The following RASAL2 variants were observed in gnomAD, a reference collection of about 807,000 sequenced individuals.
The protein encoded by RASAL2 is ras GTPase-activating protein nGAP.
In RASAL2, 58 loss-of-function variants were observed where a neutral mutation model predicts 128.9. The observed-to-expected ratio is 0.45, with a 90% confidence interval of 0.36 to 0.56. The LOEUF (loss-of-function observed/expected upper bound fraction) is 0.56, where lower values mean the gene tolerates loss of function less well. Among genes scored for constraint, RASAL2 ranks in the 20% least tolerant of loss-of-function variants. The pLI is 0.00. For synonymous variants in RASAL2, 561 were observed against 580.8 expected (o/e 0.97, Z 0.49); for missense variants, 1,360 against 1,601.6 (o/e 0.85, Z 2.57).
chr1:178,454,309 A>T (rs903389595), intron 11 of RASAL2, 138 bp from the exon 12 acceptor site: 49 of 625,126 alleles, frequency 7.8e-5, no homozygotes, highest in Middle Eastern at 4.3e-4. Context: ...TATAACATTT[A>T]TCACTTATAG....
At chr1:178,434,746 A>G (rs1365311416) in intron 5 of RASAL2, among the ~76,000 whole-genome samples, 1 of 151,468 alleles carries the variant, frequency 6.6e-6, no homozygotes, top group Non-Finnish European at 1.5e-5. Context: ...AATGAGCTCT[A>G]ATTTCTTTTT....
Position 178,330,181 on chromosome 1 carries a change from G to A in RASAL2, c.457+30063G>A, listed in dbSNP as rs558172675. Among the ~76,000 whole-genome samples, 25 of 152,234 alleles carry A rather than the reference G, an allele frequency of 1.6e-4. No individual in the cohort carries two copies. In the South Asian group the frequency reaches 5.2e-3, roughly 32 times the overall value. ...TGTTATCAGATGACTAGTAAGACCT[G>A]CACAAATCTTTTCTCAAAATTGTTT... On this transcript the variant is annotated intron_variant, in intron 3 of 17. Coordinates refer to ENST00000367649, the MANE Select transcript of RASAL2 (RefSeq NM_170692.4).
intron 1 of RASAL2, among the ~76,000 whole-genome samples, chr1:178,098,768 A>G (rs1359698532): frequency 6.6e-6 from 1 of 152,232 alleles, no homozygotes; most frequent in East Asian, 1.9e-4. Flanking sequence ...AATGAATAGC[A>G]TCAACATTAT....
rs1648773047 is a variant in RASAL2, at chr1:178,477,666, C to T, written c.*4427C>T. 6.6e-6 allele frequency: 1 copy of T among 152,110 alleles called. No individual in the cohort carries two copies. The highest frequency in any genetic ancestry group is 2.4e-5 in the African/African-American group (1 of 41,424). 9.4% of individuals were successfully genotyped at this position (152,110 alleles called of 1,614,324 possible). ...CTCTGTAGACAACACATGCACACAC[C>T]CACACAAAACATAATTCCTGGGGCT... On this transcript the variant is annotated 3_prime_UTR_variant, in exon 18 of 18. Transcript: ENST00000367649.
intron 1 of RASAL2, among the ~76,000 whole-genome samples, chr1:178,132,191 C>T (rs1032336087): frequency 2.0e-5 from 3 of 151,846 alleles, no homozygotes; most frequent in African/African-American, 7.3e-5. Context: ...CAAGTGTATA[C>T]CACTATGCCT....
intron 1 of RASAL2, among the ~76,000 whole-genome samples, chr1:178,186,363 C>T (rs542073222): frequency 3.3e-5 from 5 of 151,714 alleles, no homozygotes; most frequent in Non-Finnish European, 7.4e-5. Context: ...GTTGATTCTC[C>T]GTTTTCATTT....
chr1:178,140,806 T>C (rs1458528412), intron 1 of RASAL2, among the ~76,000 whole-genome samples: 3 of 152,178 alleles, frequency 2.0e-5, no homozygotes, highest in African/African-American at 7.2e-5. Flanking sequence ...TCCTAAGAAG[T>C]CCTTTAGACC....
chr1:178,459,783 AAT>A (rs1244800021), intron 14 of RASAL2, among the ~76,000 whole-genome samples: 6 of 152,218 alleles, frequency 3.9e-5, no homozygotes, highest in African/African-American at 1.4e-4. Flanking sequence ...TTTACTGAGT[AAT>A]AAAGTTTTTC....
At chr1:178,190,408 T>C (rs1378293187) in intron 1 of RASAL2, among the ~76,000 whole-genome samples, 1 of 152,162 alleles carries the variant, frequency 6.6e-6, no homozygotes, top group Non-Finnish European at 1.5e-5. Context: ...ATCTAAAATA[T>C]TTGTTTGTGG....
chr1:178,190,480 C>T (rs1662454884), intron 1 of RASAL2, among the ~76,000 whole-genome samples: 1 of 152,100 alleles, frequency 6.6e-6, no homozygotes, highest in Admixed American at 6.5e-5. Flanking sequence ...TTTGTAATTC[C>T]TATCAAATCT....
chr1:178,471,628 T>A (rs1010460308), intron 17 of RASAL2, among the ~76,000 whole-genome samples: 9 of 152,182 alleles, frequency 5.9e-5, no homozygotes, highest in Non-Finnish European at 8.8e-5. Context: ...TCTTTTTTTT[T>A]AATATACTTT....
intron 1 of RASAL2, among the ~76,000 whole-genome samples, chr1:178,172,799 T>C (rs73051424): frequency 0.014 from 2,189 of 152,186 alleles, 57 homozygotes; most frequent in African/African-American, 0.049. Flanking sequence ...AATAAAGGTA[T>C]GTTTCATTGG....
At chr1:178,116,609 A>T (rs927673624) in intron 1 of RASAL2, among the ~76,000 whole-genome samples, 2 of 151,456 alleles carry the variant, frequency 1.3e-5, no homozygotes. Flanking sequence ...TTGTTATTTT[A>T]TTTTATTTTA....
chr1:178,402,962 C>T (rs1673743264), intron 4 of RASAL2, among the ~76,000 whole-genome samples: 1 of 152,084 alleles, frequency 6.6e-6, no homozygotes, highest in South Asian at 2.1e-4. Flanking sequence ...ATAGACCTCA[C>T]TTTGAGGTCT....
intron 1 of RASAL2, among the ~76,000 whole-genome samples, chr1:178,231,542 A>C (rs973577814): frequency 6.6e-6 from 1 of 152,144 alleles, no homozygotes; most frequent in African/African-American, 2.4e-5. Flanking sequence ...AAATTTATGA[A>C]ATCATACTTA....
In RASAL2 at chr1:178,439,482, C is replaced by T; in HGVS notation, c.735C>T (p.Cys245=). 1.2e-6 allele frequency: 2 copies of T among 1,612,826 alleles called. No individual in the cohort carries two copies. Among genetic ancestry groups the T allele is most frequent in the Non-Finnish European group, 1.7e-6 (2 of 1,179,166 alleles). ...CCCATGAATCCTTGCTGAGCCCATGCAGCACAGTGGAATGTCTGGATCTTG... is the reference window on the plus strand; with the variant it reads ...CCCATGAATCCTTGCTGAGCCCATGTAGCACAGTGGAATGTCTGGATCTTG... The part of the protein sequence containing the change: ...SRSHESLLSP[C]STVECLDLGR... The change falls in exon 6 of 18, where the codon TGC becomes TGT. Residue 245 remains cysteine, a synonymous_variant. Transcript: ENST00000367649.
In RASAL2 at chr1:178,420,498, C is replaced by T; in HGVS notation, c.565-13C>T. 1 of 1,578,770 alleles carries T rather than the reference C, an allele frequency of 6.3e-7. No homozygotes were observed. Among genetic ancestry groups the T allele is most frequent in the African/African-American group, 1.3e-5 (1 of 74,178 alleles). ...TGGTTCTCTCTCCCATCACCTTCTG[C>T]CTTTCCTTCTAGGGATTCTTCAGCA... On this transcript the variant is annotated splice_polypyrimidine_tract_variant and intron_variant, in intron 4 of 17. Transcript: ENST00000367649.
intron 1 of RASAL2, among the ~76,000 whole-genome samples, chr1:178,153,312 T>C (rs1660975599): frequency 6.6e-6 from 1 of 152,208 alleles, no homozygotes. Flanking sequence ...AAAAATTAGC[T>C]TTATTGAGGT....
At chr1:178,287,947 C>T (rs1014647910) in intron 2 of RASAL2, among the ~76,000 whole-genome samples, 1 of 151,940 alleles carries the variant, frequency 6.6e-6, no homozygotes, top group African/African-American at 2.4e-5. Flanking sequence ...ATCCATGTAA[C>T]CAAACACCAC....
Sources: allele counts gnomAD v4.1 joint callset (sites outside exome capture counted in the v4.1 genomes callset), GRCh38; gene constraint gnomAD v4.1.1; transcripts MANE v1.5; gene names NCBI Gene and HGNC (gene_info 2026-07-23, HGNC 2026-07-21).